The following USP32 variants were observed in gnomAD, a reference collection of about 807,000 sequenced individuals.
USP32 encodes the protein ubiquitin carboxyl-terminal hydrolase 32.
In USP32, 59 loss-of-function variants were observed where a neutral mutation model predicts 204.8. The ratio of observed to expected loss-of-function variants is 0.29; its 90% CI spans 0.23 to 0.36. The LOEUF (loss-of-function observed/expected upper bound fraction) is 0.36, where lower values mean the gene tolerates loss of function less well. USP32 is among the 10% of genes least tolerant of loss of function. The pLI is 1.00. For synonymous variants in USP32, 517 were observed against 678.4 expected (o/e 0.76, Z 3.70); for missense variants, 1,160 against 1,946.4 (o/e 0.60, Z 7.60).
At chr17:60,327,991 C>T (rs1180544819) in intron 2 of USP32, among the ~76,000 whole-genome samples, 1 of 152,244 alleles carries the variant, frequency 6.6e-6, no homozygotes, top group African/African-American at 2.4e-5. Flanking sequence ...TGCAGGTGCC[C>T]CTTGGCAGGA....
At chr17:60,209,082 AT>A (rs2084899383) in intron 22 of USP32, among the ~76,000 whole-genome samples, 1 of 152,210 alleles carries the variant, frequency 6.6e-6, no homozygotes, top group Non-Finnish European at 1.5e-5. Flanking sequence ...CACTGTATCC[AT>A]TACTTTAGCA....
chr17:60,252,993 G>A (rs944004587), intron 10 of USP32, among the ~76,000 whole-genome samples: 6 of 152,098 alleles, frequency 3.9e-5, no homozygotes, highest in Non-Finnish European at 7.4e-5. Context: ...ACAGTAAAAT[G>A]TAATAAAATT....
rs570730343 is a variant in USP32, at chr17:60,205,937, A to G, written c.3038-279T>C. Among the ~76,000 whole-genome samples the G allele has an allele frequency of 6.4e-4, 97 of 152,386 alleles. 3 individuals are homozygous for G. In the East Asian group the frequency reaches 0.015, roughly 23 times the overall value. ...GTATCAGCACCATGTTGTAGCACAC[A>G]AACAGTTCTACCACTTGTTTTCTTT... On this transcript the variant is annotated intron_variant, in intron 25 of 33. Transcript: ENST00000300896.
intron 1 of USP32, among the ~76,000 whole-genome samples, chr17:60,388,376 A>G (rs1342008109): frequency 3.3e-5 from 5 of 152,114 alleles, no homozygotes; most frequent in South Asian, 2.1e-4. Flanking sequence ...AGAGAAGCAG[A>G]TAAGACAGAA....
chr17:60,198,121 G>T, intron 27 of USP32, 139 bp downstream of exon 27: 1 of 1,151,386 alleles, frequency 8.7e-7, no homozygotes, highest in Non-Finnish European at 1.2e-6. Context: ...CCAAATGGTT[G>T]AATTGTATGC....
upstream of USP32, among the ~76,000 whole-genome samples, chr17:60,394,734 T>A (rs563028382): frequency 1.8e-3 from 278 of 152,100 alleles, no homozygotes; most frequent in Non-Finnish European, 2.7e-3. Flanking sequence ...GTAGGTAATT[T>A]TTTATTTATT....
At chr17:60,209,987 T>C (rs1296824889) in intron 21 of USP32, among the ~76,000 whole-genome samples, 3 of 152,020 alleles carry the variant, frequency 2.0e-5, no homozygotes, top group African/African-American at 2.4e-5. Context: ...ATACATAACA[T>C]GTATAAAATA....
intron 18 of USP32, 126 bp from the exon 19 acceptor site, chr17:60,212,224 C>G: frequency 1.3e-6 from 1 of 770,514 alleles, no homozygotes; most frequent in South Asian, 1.7e-5. Flanking sequence ...AATTTTAGTA[C>G]ATACATTGCT....
intron 5 of USP32, among the ~76,000 whole-genome samples, chr17:60,287,082 G>C (rs2087133842): frequency 6.6e-6 from 1 of 152,098 alleles, no homozygotes; most frequent in South Asian, 2.1e-4. Flanking sequence ...CCTGGGAGGT[G>C]GAGGTTGCAG....
At chr17:60,313,113 T>G (rs934701665) in intron 2 of USP32, among the ~76,000 whole-genome samples, 1 of 152,010 alleles carries the variant, frequency 6.6e-6, no homozygotes. Context: ...TAGCCAGTCA[T>G]GGTGGCAGGC....
chr17:60,393,088 A>C (rs760168016), upstream of USP32, among the ~76,000 whole-genome samples: 10 of 152,158 alleles, frequency 6.6e-5, no homozygotes, highest in African/African-American at 9.7e-5. Flanking sequence ...CATCTTGCAA[A>C]AGGGAAACTC....
chr17:60,325,057 T>G (rs561891508), intron 2 of USP32, among the ~76,000 whole-genome samples: 11 of 152,196 alleles, frequency 7.2e-5, no homozygotes, highest in African/African-American at 2.4e-4. Context: ...ACAGGTGTTA[T>G]GAAAACTAAG....
intron 2 of USP32, among the ~76,000 whole-genome samples, chr17:60,316,725 C>T (rs757879989): frequency 1.3e-5 from 2 of 151,986 alleles, no homozygotes; most frequent in Non-Finnish European, 2.9e-5. Flanking sequence ...CCTGTAGTCC[C>T]AGCTACTCGG....
At position 60,179,188 on chromosome 17, in the gene USP32, G is replaced by T; in HGVS notation, c.*67C>A. ...TAGCTTGCCTTTCAGTGACGCTTTTGCCAAATGTCAGCTACAAGGAGTCAT... is the reference window on the plus strand; with the variant it reads ...TAGCTTGCCTTTCAGTGACGCTTTTTCCAAATGTCAGCTACAAGGAGTCAT... On this transcript the variant is annotated 3_prime_UTR_variant, in exon 34 of 34. Coordinates refer to ENST00000300896, the MANE Select transcript of USP32 (RefSeq NM_032582.4). 2 of 1,530,318 alleles carry T rather than the reference G, an allele frequency of 1.3e-6. No homozygotes were observed. The highest frequency in any genetic ancestry group is 2.0e-5 in the Admixed American group (1 of 51,122). The allele number at this position is 1,530,318 out of a possible 1,614,324, so 94.8% of individuals were successfully genotyped here. A position where few individuals can be genotyped will look rare whatever the true frequency, so the allele number is the denominator to read the frequency against.
At position 60,183,223 on chromosome 17, in the gene USP32, G is replaced by A. The variant is rs144453913; in HGVS notation, c.4065C>T (p.Asp1355=). 7.3e-5 allele frequency: 118 copies of A among 1,613,864 alleles called. No individual in the cohort carries two copies. Among genetic ancestry groups the A allele is most frequent in the South Asian group, 8.8e-5 (8 of 91,080 alleles). ...VDAQSSAGEE[D]VLLSKSPSSL... The stretch of plus-strand genomic sequence containing the variant: ...AGGATGGGCTTTTGCTCAGGAGCAC[G>A]TCCTCTTCCCCAGCCGAACTCTGCG... The change falls in exon 31 of 34, where the codon GAC becomes GAT. Residue 1355 remains aspartate (D), a synonymous_variant. Transcript: ENST00000300896.
exon 1 of USP32, chr17:60,422,352 C>T: frequency 9.7e-7 from 1 of 1,035,664 alleles, no homozygotes; most frequent in African/African-American, 1.6e-5. Context: ...CCCCGCACAT[C>T]TTGCTCCGTT....
At chr17:60,301,787 T>G in intron 2 of USP32, 83 bp from the exon 3 acceptor site, 1 of 886,716 alleles carries the variant, frequency 1.1e-6, no homozygotes, top group South Asian at 1.5e-5. Context: ...TAACAAATTT[T>G]ATCTCCACCT....
chr17:60,200,491 C>T (rs931463396), intron 26 of USP32, among the ~76,000 whole-genome samples: 23 of 150,846 alleles, frequency 1.5e-4, no homozygotes, highest in African/African-American at 4.6e-4. Context: ...ACACAGGAGG[C>T]GGAGGTTGCA....
chr17:60,301,533 T>G, intron 3 of USP32, 66 bp downstream of exon 3: 1 of 1,002,216 alleles, frequency 1.0e-6, no homozygotes, highest in South Asian at 1.8e-5. Flanking sequence ...CTACCTGTCA[T>G]CAGAATTTTG....
Sources: gnomAD v4.1 joint callset for allele counts (sites outside exome capture counted in the v4.1 genomes callset) on GRCh38, gnomAD v4.1.1 for gene constraint, MANE v1.5 for transcripts, NCBI Gene and HGNC (gene_info 2026-07-23, HGNC 2026-07-21) for gene names.